The following ACTA2 variants were observed in gnomAD, a reference collection of about 807,000 sequenced individuals.
ACTA2 encodes the protein actin, aortic smooth muscle.
ACTA2 carries 12 observed loss-of-function variants against 39.5 expected under a neutral mutation model. That is an observed-to-expected ratio of 0.30 (90% CI 0.19 to 0.49). The LOEUF is 0.49. Ranked by LOEUF, ACTA2 falls within the 20% of genes least tolerant of loss-of-function variation. The probability of loss-of-function intolerance (pLI) is 0.99; values close to 1 mark genes in which losing one functional copy is unlikely to be tolerated. For missense variants in ACTA2, 236 were observed against 498.8 expected, an observed-to-expected ratio of 0.47 and a Z score of 5.02; for synonymous variants, 158 against 180.6, an observed-to-expected ratio of 0.88 and a Z score of 1.00.
Position 88,990,168 on chromosome 10 carries a change from C to T in ACTA2, c.-24+771G>A, listed in dbSNP as rs1847077702. On this transcript the variant is annotated intron_variant, in intron 1 of 4. Coordinates refer to the ACTA2 transcript ENST00000415557. The surrounding 1 kb of genome is among the most constrained non-coding windows in gnomAD (Gnocchi z 4.9). ...CCCTTTTCAGAGCCCTATGGCGCAA[C>T]ATCTGTACTTTTTCATATGGTTAAC... is the stretch of plus-strand genomic sequence containing the variant. Among the ~76,000 whole-genome samples the T allele has an allele frequency of 6.6e-6, 1 of 152,158 alleles. No homozygotes were observed. Among genetic ancestry groups the T allele is most frequent in the Admixed American group, 6.5e-5 (1 of 15,280 alleles).
chr10:88,958,856 G>A (rs570099223), intron 1 of ACTA2, among the ~76,000 whole-genome samples: 12 of 152,054 alleles, frequency 7.9e-5, no homozygotes, highest in South Asian at 2.1e-4. Context: ...CTCGGTCCTC[G>A]GGGGGAAGGG....
intron 1 of ACTA2, among the ~76,000 whole-genome samples, chr10:88,987,263 C>T (rs1247882414): frequency 6.6e-6 from 1 of 152,190 alleles, no homozygotes; most frequent in Non-Finnish European, 1.5e-5. Context: ...TAATTTGTAA[C>T]AATTAACTTT....
At chr10:88,950,096 A>T (rs1312975970) in intron 1 of ACTA2, among the ~76,000 whole-genome samples, 2 of 152,208 alleles carry the variant, frequency 1.3e-5, no homozygotes, top group Admixed American at 1.3e-4. Context: ...AAATAAGAAA[A>T]TCAGGAAGTG....
intron 1 of ACTA2, among the ~76,000 whole-genome samples, chr10:88,982,962 C>A (rs1197805635): frequency 6.6e-6 from 1 of 152,176 alleles, no homozygotes; most frequent in Non-Finnish European, 1.5e-5. Flanking sequence ...AAGACTCTTG[C>A]TACTTCATGT....
chr10:88,990,053 T>C lies in ACTA2; in HGVS notation c.-24+886A>G, dbSNP rs1283411307. On this transcript the variant is annotated intron_variant, in intron 1 of 4. Transcript: ENST00000415557. This position sits in a 1 kb window ranked among gnomAD's most constrained non-coding sequence, Gnocchi z 4.9. ...ATGAGTAACGAAGGACAGGAAGTAATTGTGAATGTTTAATATAGCTGGGGC... is the reference window on the plus strand; with the variant it reads ...ATGAGTAACGAAGGACAGGAAGTAACTGTGAATGTTTAATATAGCTGGGGC... 6.6e-6 allele frequency among the ~76,000 whole-genome samples: 1 copy of C among 152,094 alleles called. No individual in the cohort carries two copies. Among genetic ancestry groups the C allele is most frequent in the Non-Finnish European group, 1.5e-5 (1 of 68,024 alleles).
intron 2 of ACTA2, chr10:88,948,542 G>C (rs531384281): frequency 1.6e-5 from 7 of 431,786 alleles, no homozygotes; most frequent in South Asian, 6.4e-5. Flanking sequence ...TGATGATGAT[G>C]ATGATGATGA....
intron 1 of ACTA2, among the ~76,000 whole-genome samples, chr10:88,961,426 A>G (rs974091876): frequency 3.9e-5 from 6 of 152,216 alleles, no homozygotes; most frequent in Non-Finnish European, 7.3e-5. Flanking sequence ...TTGATATAGT[A>G]TGAGTGACAC....
intron 1 of ACTA2, among the ~76,000 whole-genome samples, chr10:88,951,684 G>T (rs914592230): frequency 2.0e-5 from 3 of 152,140 alleles, no homozygotes; most frequent in East Asian, 3.9e-4. Flanking sequence ...AAACACGCTC[G>T]AGTGTCTGCT....
intron 1 of ACTA2, among the ~76,000 whole-genome samples, chr10:88,952,036 C>A (rs1846059360): frequency 6.6e-6 from 1 of 152,206 alleles, no homozygotes. Flanking sequence ...CTGTCAGATG[C>A]AGGCTCTGCT....
intron 1 of ACTA2, among the ~76,000 whole-genome samples, chr10:88,962,060 G>T (rs1846234042): frequency 6.6e-6 from 1 of 152,120 alleles, no homozygotes; most frequent in Admixed American, 6.6e-5. Flanking sequence ...AAGGATGACT[G>T]AAAAGGCCAA....
intron 4 of ACTA2, among the ~76,000 whole-genome samples, chr10:88,943,530 T>G (rs1212243286): frequency 6.6e-6 from 1 of 152,226 alleles, no homozygotes; most frequent in Non-Finnish European, 1.5e-5. Flanking sequence ...TGACTTCTCC[T>G]TAGACATTAT....
At chr10:88,939,792 G>C (rs1046990683) in intron 6 of ACTA2, 94 bp from the exon 7 acceptor site, 13 of 1,320,870 alleles carry the variant, frequency 9.8e-6, no homozygotes, top group African/African-American at 1.4e-5. Context: ...CTCAAGACAT[G>C]TGCCATCAAA....
At chr10:88,962,136 C>G (rs1846235004) in intron 1 of ACTA2, among the ~76,000 whole-genome samples, 1 of 152,196 alleles carries the variant, frequency 6.6e-6, no homozygotes. Flanking sequence ...TCAGCCCCAT[C>G]TGTTGTTGTA....
chr10:88,983,967 T>C (rs1846794604), intron 1 of ACTA2, among the ~76,000 whole-genome samples: 2 of 147,820 alleles, frequency 1.4e-5, no homozygotes, highest in Non-Finnish European at 3.0e-5. Flanking sequence ...GTTATCCTTG[T>C]TGCCTGGACA....
chr10:88,935,580 A>C (rs980595752), intron 8 of ACTA2: 9 of 519,690 alleles, frequency 1.7e-5, no homozygotes, highest in African/African-American at 1.7e-4. Context: ...TTCAGTAAGC[A>C]CATTCGTTTT....
At chr10:88,983,989 A>G (rs748111573) in intron 1 of ACTA2, among the ~76,000 whole-genome samples, 11 of 152,134 alleles carry the variant, frequency 7.2e-5, no homozygotes, top group Admixed American at 7.2e-4. Context: ...AAAACTCTTT[A>G]GATGCATGCA....
In ACTA2 at chr10:88,938,179, A is replaced by T. The variant is rs1845780569; in HGVS notation, c.872T>A (p.Ile291Asn). 1 of 1,613,860 alleles carries T rather than the reference A, an allele frequency of 6.2e-7. No individual in the cohort carries two copies. The highest frequency in any genetic ancestry group is 8.5e-7 in the Non-Finnish European group (1 of 1,179,948). ...ATTGTTAGCATAGAGGTCCTTCCTGATGTCAATATCACACTTCATGATGCT... is the reference window on the plus strand; with the variant it reads ...ATTGTTAGCATAGAGGTCCTTCCTGTTGTCAATATCACACTTCATGATGCT... ...YNSIMKCDID[I>N]RKDLYANNVL... is the part of the protein sequence containing the mutation. Residue 291 changes from isoleucine (I) to asparagine (N), a missense_variant, in exon 8 of 9, where the codon ATC becomes AAC. Physicochemically the swap from Ile to Asn is moderately radical, Grantham distance 149. Coordinates refer to ENST00000224784, the MANE Select transcript of ACTA2 (RefSeq NM_001613.4).
chr10:88,949,356 T>C (rs1054449253), intron 1 of ACTA2, among the ~76,000 whole-genome samples: 1 of 152,194 alleles, frequency 6.6e-6, no homozygotes, highest in Non-Finnish European at 1.5e-5. Flanking sequence ...GATTTTCCTG[T>C]CTGTATCAAC....
At chr10:88,973,317 A>G in intron 1 of ACTA2, 2 of 1,570,606 alleles carry the variant, frequency 1.3e-6, no homozygotes, top group South Asian at 2.4e-5. Context: ...GCTCTGAGAG[A>G]GACAAGAAGT....
Sources: gnomAD v4.1 joint callset for allele counts (sites outside exome capture counted in the v4.1 genomes callset) on GRCh38, gnomAD v4.1.1 for gene constraint, Gnocchi (gnomAD v3.1) non-coding constraint, MANE v1.5 for transcripts, NCBI Gene and HGNC (gene_info 2026-07-23, HGNC 2026-07-21) for gene names.